The following NT5DC2 variants were observed in gnomAD, a reference collection of about 807,000 sequenced individuals.
The protein encoded by NT5DC2 is 5'-nucleotidase domain containing 2.
Under a neutral mutation model 70.0 loss-of-function variants are expected in NT5DC2, and 41 were observed. The ratio of observed to expected loss-of-function variants is 0.59; its 90% CI spans 0.46 to 0.76. The LOEUF (loss-of-function observed/expected upper bound fraction) is 0.76. NT5DC2 is among the 30% of genes least tolerant of loss of function. The pLI, the probability that NT5DC2 is intolerant of heterozygous loss-of-function variation, is 0.00. For missense variants in NT5DC2, 705 were observed against 783.2 expected (o/e 0.90, Z 1.19); for synonymous variants, 299 against 310.4 (o/e 0.96, Z 0.39).
chr3:52,534,446 C>A, upstream of NT5DC2: 3 of 1,604,756 alleles, frequency 1.9e-6, no homozygotes, highest in Non-Finnish European at 2.5e-6. Flanking sequence ...CGTCCGCTAA[C>A]CAGGTGACTG....
rs1340556261 is a variant in NT5DC2, at chr3:52,524,846, A to T, written c.1383T>A (p.Ala461=). 3 of 1,612,724 alleles carry T rather than the reference A, an allele frequency of 1.9e-6. No homozygotes were observed. The highest frequency in any genetic ancestry group is 2.5e-6 in the Non-Finnish European group (3 of 1,180,008). The part of the protein sequence containing the change: ...YQDAESRQVL[A]AWMKERQELR... ...GCTCCTGCCGCTCTTTCATCCAGGCAGCCAGCACCTGCCTCGACTCCGCGT... is the reference window on the plus strand; with the variant it reads ...GCTCCTGCCGCTCTTTCATCCAGGCTGCCAGCACCTGCCTCGACTCCGCGT... The change falls in exon 13 of 14, where the codon GCT becomes GCA. Residue 461 remains alanine, a synonymous_variant. Coordinates refer to ENST00000422318, the MANE Select transcript of NT5DC2 (RefSeq NM_001134231.2).
Position 52,528,844 on chromosome 3 carries a change from C to T in NT5DC2, c.492+17G>A, listed in dbSNP as rs2079320281. On this transcript the variant is annotated intron_variant, in intron 3 of 13. Coordinates refer to ENST00000422318, the MANE Select transcript of NT5DC2 (RefSeq NM_001134231.2). ...GGAGGCCAAGGAGGGAGCCCCTATA[C>T]AGGTCCAGCCACTCACCTTCTGAAT... 6.8e-6 allele frequency: 11 copies of T among 1,613,272 alleles called. No individual in the cohort carries two copies. Among genetic ancestry groups the T allele is most frequent in the African/African-American group, 2.7e-5 (2 of 74,894 alleles).
chr3:52,529,224 G>C lies in NT5DC2; in HGVS notation c.343C>G (p.Leu115Val). Reference sequence around the variant, plus strand: ...TGCAGTGCGTCTGCATACTGGGCCAGGGTGTAGTCGTAGTCAAAGCCGTAG... The same window carrying C: ...TGCAGTGCGTCTGCATACTGGGCCACGGTGTAGTCGTAGTCAAAGCCGTAG... ...EVYGFDYDYT[L>V]AQYADALHPE... The change falls in exon 2 of 14, where the codon CTG becomes GTG. Residue 115 changes from leucine to valine, a missense_variant. Leu to Val is a conservative substitution (Grantham distance 32, BLOSUM62 1). Transcript: ENST00000422318. This position sits in a 1 kb window ranked among gnomAD's most constrained non-coding sequence, Gnocchi z 4.1. 1.2e-6 allele frequency: 2 copies of C among 1,614,124 alleles called. No homozygotes were observed. Among genetic ancestry groups the C allele is most frequent in the South Asian group, 2.2e-5 (2 of 91,088 alleles).
At chr3:52,534,609 C>A (rs2079405080), upstream of NT5DC2, 1 of 1,613,944 alleles carries the variant, frequency 6.2e-7, no homozygotes, top group Non-Finnish European at 8.5e-7. Flanking sequence ...ACAGGCTTTC[C>A]AACAAAATTC....
chr3:52,528,786 G>C, intron 3 of NT5DC2, 75 bp downstream of exon 3: 1 of 1,599,550 alleles, frequency 6.3e-7, no homozygotes, highest in Non-Finnish European at 8.6e-7. Context: ...AACCCCAGCT[G>C]GATGGGACGG....
intron 8 of NT5DC2, 25 bp downstream of exon 8, chr3:52,527,804 C>T (rs1399365212): frequency 6.2e-7 from 1 of 1,611,488 alleles, no homozygotes; most frequent in East Asian, 2.2e-5. Context: ...CCTGCTGTCC[C>T]TCCATCCACA....
intron 5 of NT5DC2, 30 bp downstream of exon 5, chr3:52,528,416 G>GGGCA (rs759547935): frequency 6.2e-7 from 1 of 1,613,192 alleles, no homozygotes; most frequent in Non-Finnish European, 8.5e-7. Context: ...CATGTCCATG[G>GGGCA]GGCAGGCTGG....
Position 52,528,418 on chromosome 3 carries a change from G to C in NT5DC2, c.642+28C>G, listed in dbSNP as rs377626070. ...TGGGACATGGGCACATGTCCATGGG[G>C]CAGGCTGGCTGCTGGGGTATGGAGT... On this transcript the variant is annotated intron_variant, in intron 5 of 13. Transcript: ENST00000422318. 5 of 1,612,978 alleles carry C rather than the reference G, an allele frequency of 3.1e-6. No homozygotes were observed. In the African/African-American group the frequency reaches 5.3e-5, roughly 17 times the overall value.
At position 52,527,863 on chromosome 3, in the gene NT5DC2, G is replaced by C. The variant is rs777997754; in HGVS notation, c.901C>G (p.Leu301Val). Reference protein sequence around the residue: ...LSRLVAHGKQLFLITNSPFSF... With the variant: ...LSRLVAHGKQVFLITNSPFSF... Reference sequence around the variant, plus strand: ...AAAGGACTGTTGGTGATGAGGAACAGCTGTTTCCCATGGGCCACCAGGCGG... The same window carrying C: ...AAAGGACTGTTGGTGATGAGGAACACCTGTTTCCCATGGGCCACCAGGCGG... The change falls in exon 8 of 14, where the codon CTG becomes GTG. Residue 301 changes from leucine (L) to valine (V), a missense_variant. Leu to Val is a conservative substitution (Grantham distance 32, BLOSUM62 1). Coordinates refer to ENST00000422318, the MANE Select transcript of NT5DC2 (RefSeq NM_001134231.2). The C allele has an allele frequency of 1.2e-6, 2 of 1,613,456 alleles. No homozygotes were observed. Among genetic ancestry groups the C allele is most frequent in the Non-Finnish European group, 1.7e-6 (2 of 1,180,038 alleles).
In NT5DC2 at chr3:52,524,716, G is replaced by A. The variant is rs2079213289; in HGVS notation, c.1428C>T (p.Ala476=). ...ERQELRCITK[A]LFNAQFGSIF... is the part of the protein sequence containing the mutation. ...TGCTGCCGAACTGCGCATTGAACAG[G>A]GCCTTGGTGATGCACCTGGCGAGGG... The change falls in exon 14 of 14, where the codon GCC becomes GCT. Residue 476 remains alanine, a synonymous_variant. Transcript: ENST00000422318. The A allele has an allele frequency of 2.5e-6, 4 of 1,612,600 alleles. No homozygotes were observed. The highest frequency in any genetic ancestry group is 2.5e-6 in the Non-Finnish European group (3 of 1,179,998).
intron 1 of NT5DC2, chr3:52,532,124 G>A: frequency 1.0e-6 from 1 of 964,312 alleles, no homozygotes. Context: ...GCGGACCTCG[G>A]CGCCCAGAGG....
chr3:52,525,522 A>G (rs1168294331), intron 10 of NT5DC2: 3 of 564,136 alleles, frequency 5.3e-6, no homozygotes, highest in Non-Finnish European at 9.7e-6. Context: ...CATGGTGCCC[A>G]TGCCTCGAGG....
Position 52,531,021 on chromosome 3 carries a change from A to T in NT5DC2, c.233-1687T>A, listed in dbSNP as rs2079352398. Among the ~76,000 whole-genome samples the T allele has an allele frequency of 6.6e-6, 1 of 152,234 alleles. No homozygotes were observed. The highest frequency in any genetic ancestry group is 6.5e-5 in the Admixed American group (1 of 15,292). On this transcript the variant is annotated intron_variant, in intron 1 of 13. Transcript: ENST00000422318. The surrounding 1 kb of genome is among the most constrained non-coding windows in gnomAD (Gnocchi z 4.1). ...TGCCGATGACAAAGCAGGAGCTGCC[A>T]GGCCAGAGGGCCAGGGAAGCCCCAC...
intron 6 of NT5DC2, 38 bp downstream of exon 6, chr3:52,528,145 T>G: frequency 6.2e-7 from 1 of 1,612,944 alleles, no homozygotes; most frequent in Non-Finnish European, 8.5e-7. Flanking sequence ...CTGGACTTAG[T>G]CTTTCCTGCC....
chr3:52,524,695 G>C lies in NT5DC2; in HGVS notation c.1449C>G (p.Gly483=). 1 of 1,612,772 alleles carries C rather than the reference G, an allele frequency of 6.2e-7. No homozygotes were observed. ...GGTTGTGGAAGGTGCGGAAGATGCT[G>C]CCGAACTGCGCATTGAACAGGGCCT... ...ITKALFNAQF[G]SIFRTFHNPT... is the part of the protein sequence containing the mutation. Residue 483 remains glycine, a synonymous_variant, in exon 14 of 14, where the codon GGC becomes GGG. Coordinates refer to ENST00000422318, the MANE Select transcript of NT5DC2 (RefSeq NM_001134231.2).
rs973650659 is a variant in NT5DC2 at position 52,524,945 on chromosome 3, A to C, written c.1347+18T>G. 1.9e-6 allele frequency: 3 copies of C among 1,612,292 alleles called. No individual in the cohort carries two copies. Among genetic ancestry groups the C allele is most frequent in the Non-Finnish European group, 1.7e-6 (2 of 1,179,818 alleles). The stretch of plus-strand genomic sequence containing the variant: ...GAGGCTACCGCCCTGGCCCTCCCAC[A>C]GCCACCCCGGCCCACACCTGCATGC... On this transcript the variant is annotated intron_variant, in intron 12 of 13. Transcript: ENST00000422318.
rs777201386 is a variant in NT5DC2, at chr3:52,528,210, G to A, written c.744C>T (p.Asp248=). ...DYFLGHSLEF[D]QAHLYKDVTD... is the part of the protein sequence containing the mutation. Reference sequence around the variant, plus strand: ...TCACGTCCTTGTAGAGATGTGCTTGGTCAAACTCCAGGCTGTGGCCCAGAA... The same window carrying A: ...TCACGTCCTTGTAGAGATGTGCTTGATCAAACTCCAGGCTGTGGCCCAGAA... The change falls in exon 6 of 14, where the codon GAC becomes GAT. Residue 248 remains aspartate, a synonymous_variant. Coordinates refer to ENST00000422318, the MANE Select transcript of NT5DC2 (RefSeq NM_001134231.2). 3 of 1,613,196 alleles carry A rather than the reference G, an allele frequency of 1.9e-6. No homozygotes were observed. The African/African-American group carries it at 4.0e-5, about 22-fold the overall frequency.
Position 52,528,853 on chromosome 3 carries a change from C to A in NT5DC2, c.492+8G>T. The A allele has an allele frequency of 6.2e-7, 1 of 1,613,832 alleles. No individual in the cohort carries two copies. The stretch of plus-strand genomic sequence containing the variant: ...GGAGGGAGCCCCTATACAGGTCCAG[C>A]CACTCACCTTCTGAATGTCATAGTG... On this transcript the variant is annotated splice_region_variant and intron_variant, in intron 3 of 13. Coordinates refer to ENST00000422318, the MANE Select transcript of NT5DC2 (RefSeq NM_001134231.2).
chr3:52,533,465 C>G (rs1474038916), intron 1 of NT5DC2, 41 bp downstream of exon 1: 2 of 1,483,108 alleles, frequency 1.3e-6, no homozygotes, highest in Non-Finnish European at 1.8e-6. Context: ...TCAGTCCACG[C>G]GGAAGACACC....
Sources: allele counts gnomAD v4.1 joint callset (sites outside exome capture counted in the v4.1 genomes callset), GRCh38; gene constraint gnomAD v4.1.1; non-coding constraint Gnocchi (gnomAD v3.1); transcripts MANE v1.5; gene names NCBI Gene and HGNC (gene_info 2026-07-23, HGNC 2026-07-21).